Variants in SEC11C observed in about 807,000 individuals in gnomAD.
SEC11C encodes the protein signal peptidase complex catalytic subunit SEC11C.
Under a neutral mutation model 21.9 loss-of-function variants are expected in SEC11C, and 10 were observed. That is an observed-to-expected ratio of 0.46 (90% confidence interval 0.28 to 0.77). The LOEUF is 0.77. Ranked by LOEUF, SEC11C falls within the 30% of genes least tolerant of loss-of-function variation. The probability of loss-of-function intolerance (pLI) is 0.12; values close to 1 mark genes in which losing one functional copy is unlikely to be tolerated. For missense variants in SEC11C, 145 were observed against 244.5 expected (o/e 0.59, Z 2.71); for synonymous variants, 83 against 85.6 (o/e 0.97, Z 0.17).
At chr18:59,142,918 A>G (rs1162053015) in intron 1 of SEC11C, among the ~76,000 whole-genome samples, 9 of 152,246 alleles carry the variant, frequency 5.9e-5, no homozygotes, top group Non-Finnish European at 1.3e-4. Flanking sequence ...CCATGGAACC[A>G]GAAGAAGCAA....
intron 1 of SEC11C, chr18:59,146,946 A>G (rs1032384380): frequency 1.3e-5 from 2 of 152,246 alleles, no homozygotes; most frequent in Admixed American, 6.5e-5. Context: ...AACCAATGGT[A>G]TAGAGCAGTG....
At position 59,155,817 on chromosome 18, in the gene SEC11C, C is replaced by A; in HGVS notation, c.467+10C>A. ...TGGGAAGAGCAAGAGGGTGAGGATTCACCTTTAAGTTATATAGAAGGTTAT... is the reference window on the plus strand; with the variant it reads ...TGGGAAGAGCAAGAGGGTGAGGATTAACCTTTAAGTTATATAGAAGGTTAT... On this transcript the variant is annotated intron_variant, in intron 4 of 5. Coordinates refer to ENST00000587834, the MANE Select transcript of SEC11C (RefSeq NM_033280.4). The A allele has an allele frequency of 1.2e-6, 2 of 1,613,172 alleles. No homozygotes were observed. Among genetic ancestry groups the A allele is most frequent in the South Asian group, 1.1e-5 (1 of 90,950 alleles).
intron 3 of SEC11C, 114 bp downstream of exon 3, chr18:59,152,799 C>T (rs2069373438): frequency 4.4e-6 from 4 of 910,544 alleles, no homozygotes; most frequent in Non-Finnish European, 6.4e-6. Context: ...CATTGACTCA[C>T]TGGGTGACTT....
intron 1 of SEC11C, among the ~76,000 whole-genome samples, chr18:59,141,059 T>C (rs780902337): frequency 1.3e-5 from 2 of 152,154 alleles, no homozygotes; most frequent in African/African-American, 4.8e-5. Context: ...TTTGATGGCA[T>C]CCAGTTTCAT....
At chr18:59,154,543 C>A (rs1172642040) in intron 3 of SEC11C, among the ~76,000 whole-genome samples, 1 of 152,196 alleles carries the variant, frequency 6.6e-6, no homozygotes, top group African/African-American at 2.4e-5. Flanking sequence ...CTTTAACACA[C>A]TGGTGTTATG....
chr18:59,152,687 TA>T lies in SEC11C; in HGVS notation c.347+5del. The stretch of plus-strand genomic sequence containing the variant: ...CAGAGTAATCAAAGTTCATGAAAAG[TA>T]AAGAGGCTTTATTTCCTTTTGGTTT... On this transcript the variant is annotated splice_donor_region_variant and intron_variant, in intron 3 of 5. Transcript: ENST00000587834. 6.3e-7 allele frequency: 1 copy of T among 1,585,978 alleles called. No homozygotes were observed. Among genetic ancestry groups the T allele is most frequent in the Admixed American group, 1.9e-5 (1 of 51,402 alleles).
At chr18:59,148,276 G>T (rs953023749) in intron 1 of SEC11C, among the ~76,000 whole-genome samples, 3 of 152,234 alleles carry the variant, frequency 2.0e-5, no homozygotes, top group Non-Finnish European at 4.4e-5. Flanking sequence ...GCCGTGAGGG[G>T]CTTTGATTTT....
chr18:59,151,558 G>C (rs150891646), intron 2 of SEC11C, among the ~76,000 whole-genome samples: 2 of 152,102 alleles, frequency 1.3e-5, no homozygotes, highest in Admixed American at 6.6e-5. Flanking sequence ...AAGGTACTTA[G>C]TGACAGGCTG....
intron 1 of SEC11C, among the ~76,000 whole-genome samples, chr18:59,149,208 C>G (rs932722491): frequency 4.6e-5 from 7 of 152,186 alleles, no homozygotes; most frequent in Admixed American, 3.9e-4. Context: ...AGTAGTGGAA[C>G]TCTCTAGGGT....
At chr18:59,141,462 A>G (rs549859624) in intron 1 of SEC11C, among the ~76,000 whole-genome samples, 7 of 152,332 alleles carry the variant, frequency 4.6e-5, no homozygotes, top group South Asian at 4.1e-4. Flanking sequence ...ACTGATGGCT[A>G]TAATTGCAGA....
At position 59,151,696 on chromosome 18, in the gene SEC11C, C is replaced by T. The variant is rs138537447; in HGVS notation, c.198-840C>T. 3.3e-3 allele frequency among the ~76,000 whole-genome samples: 501 copies of T among 152,268 alleles called. 2 individuals carry two copies. Among genetic ancestry groups the T allele is most frequent in the Middle Eastern group, 0.014 (4 of 294 alleles). Reference sequence around the variant, plus strand: ...TTTCTTTGTTTCCACTAGAGCACCACGGAGCTTCAGTGGTTCATTCTCCTC... The same window carrying T: ...TTTCTTTGTTTCCACTAGAGCACCATGGAGCTTCAGTGGTTCATTCTCCTC... On this transcript the variant is annotated intron_variant, in intron 2 of 5. Transcript: ENST00000587834.
chr18:59,158,560 C>T, intron 5 of SEC11C, 72 bp from the exon 6 acceptor site: 1 of 1,189,704 alleles, frequency 8.4e-7, no homozygotes, highest in South Asian at 1.2e-5. Context: ...TAACGGACTT[C>T]ATCTGAATAC....
Position 59,149,581 on chromosome 18 carries a change from C to A in SEC11C, c.156C>A (p.Ile52=). 6.2e-7 allele frequency: 1 copy of A among 1,613,104 alleles called. No individual in the cohort carries two copies. The highest frequency in any genetic ancestry group is 1.1e-5 in the South Asian group (1 of 90,990). Residue 52 remains isoleucine, a synonymous_variant, in exon 2 of 6, where the codon ATC becomes ATA. Transcript: ENST00000587834. ...SSALMIWKGL[I]VLTGSESPIV... Reference sequence around the variant, plus strand: ...CACTCATGATATGGAAAGGCTTGATCGTGCTCACAGGCAGTGAGAGCCCCA... The same window carrying A: ...CACTCATGATATGGAAAGGCTTGATAGTGCTCACAGGCAGTGAGAGCCCCA...
At chr18:59,155,597 G>T in intron 3 of SEC11C, 91 bp from the exon 4 acceptor site, 1 of 1,379,912 alleles carries the variant, frequency 7.2e-7, no homozygotes, top group Non-Finnish European at 1.0e-6. Context: ...AAATGCTCCT[G>T]TCTGACAGTA....
intron 2 of SEC11C, among the ~76,000 whole-genome samples, chr18:59,151,127 T>C (rs1372900397): frequency 2.0e-5 from 3 of 152,196 alleles, no homozygotes; most frequent in African/African-American, 4.8e-5. Flanking sequence ...CCTCTCCTGA[T>C]AGGACATGAT....
intron 1 of SEC11C, among the ~76,000 whole-genome samples, chr18:59,140,484 T>G (rs1288438899): frequency 1.3e-5 from 2 of 152,236 alleles, no homozygotes; most frequent in Non-Finnish European, 2.9e-5. Flanking sequence ...CAACGGGAGC[T>G]GTCCAGCGAT....
At chr18:59,151,570 A>C (rs925859197) in intron 2 of SEC11C, among the ~76,000 whole-genome samples, 9 of 152,064 alleles carry the variant, frequency 5.9e-5, no homozygotes, top group Non-Finnish European at 1.3e-4. Context: ...GACAGGCTGC[A>C]TTTCTCCCTG....
intron 2 of SEC11C, among the ~76,000 whole-genome samples, chr18:59,150,584 C>A (rs574882430): frequency 2.6e-5 from 4 of 152,284 alleles, no homozygotes; most frequent in African/African-American, 9.6e-5. Context: ...TGGGGACGCC[C>A]CTGGGGTTGG....
chr18:59,155,857 A>G lies in SEC11C; in HGVS notation c.467+50A>G, dbSNP rs752463509. 1.8e-5 allele frequency: 28 copies of G among 1,598,322 alleles called. No individual in the cohort carries two copies. The African/African-American group carries it at 2.3e-4, about 13-fold the overall frequency. On this transcript the variant is annotated intron_variant, in intron 4 of 5. Coordinates refer to ENST00000587834, the MANE Select transcript of SEC11C (RefSeq NM_033280.4). ...TAGAAGGTTATGAAAAACACTTAGAAATGAAGAAATTAAATCAATAGGCTA... is the reference window on the plus strand; with the variant it reads ...TAGAAGGTTATGAAAAACACTTAGAGATGAAGAAATTAAATCAATAGGCTA...
Sources: gnomAD v4.1 joint callset for allele counts (sites outside exome capture counted in the v4.1 genomes callset) on GRCh38, gnomAD v4.1.1 for gene constraint, MANE v1.5 for transcripts, NCBI Gene and HGNC (gene_info 2026-07-23, HGNC 2026-07-21) for gene names.